The following PHYKPL variants were observed in gnomAD, a reference collection of about 807,000 sequenced individuals.
PHYKPL encodes the protein 5-phosphohydroxy-L-lysine phospho-lyase, also known as 5-phosphonooxy-L-lysine phospho-lyase.
In PHYKPL, 42 loss-of-function variants were observed where a neutral mutation model predicts 51.3. The ratio of observed to expected loss-of-function variants is 0.82; its 90% CI spans 0.64 to 1.06. The LOEUF is 1.06. Among genes scored for constraint, PHYKPL ranks in the 50% least tolerant of loss-of-function variants. The pLI is 0.00. For synonymous variants in PHYKPL, 264 were observed against 236.0 expected, an observed-to-expected ratio of 1.12 and a Z score of -1.09; for missense variants, 655 against 586.6, an observed-to-expected ratio of 1.12 and a Z score of -1.20.
At chr5:178,215,207 G>T in intron 9 of PHYKPL, 69 bp downstream of exon 9, 1 of 1,602,526 alleles carries the variant, frequency 6.2e-7, no homozygotes, top group Non-Finnish European at 8.5e-7. Context: ...AGGTTGTTAG[G>T]AGGTGAAGAA....
chr5:178,223,086 G>T, intron 6 of PHYKPL, 152 bp from the exon 7 acceptor site: 1 of 767,734 alleles, frequency 1.3e-6, no homozygotes, highest in Non-Finnish European at 2.2e-6. Context: ...GAAGGTTTGT[G>T]ACTCAGTTTT....
At chr5:178,232,446 T>TCCGCGCAGCC (rs1326624329) in intron 1 of PHYKPL, 46 bp downstream of exon 1, 3 of 1,379,416 alleles carry the variant, frequency 2.2e-6, no homozygotes, top group South Asian at 1.6e-5. Context: ...CGCGTGCCTC[T>TCCGCGCAGCC]CCGCGCAGCC....
At chr5:178,230,213 G>C in intron 2 of PHYKPL, 114 bp from the exon 3 acceptor site, 4 of 1,322,006 alleles carry the variant, frequency 3.0e-6, no homozygotes, top group Non-Finnish European at 4.2e-6. Flanking sequence ...TAGAGGGAGA[G>C]GTAGAAAGAG....
intron 1 of PHYKPL, 21 bp from the exon 2 acceptor site, chr5:178,231,544 T>C: frequency 6.2e-7 from 1 of 1,613,468 alleles, no homozygotes; most frequent in Non-Finnish European, 8.5e-7. Flanking sequence ...AGGCAAGGAG[T>C]GGACAGCCAT....
chr5:178,228,105 T>C, intron 3 of PHYKPL: 1 of 177,568 alleles, frequency 5.6e-6, no homozygotes, highest in Non-Finnish European at 1.2e-5. Context: ...AACCTCGAGT[T>C]GGAACACATG....
In PHYKPL at chr5:178,230,492, G is replaced by T. The variant is rs1164804811; in HGVS notation, c.179-393C>A. On this transcript the variant is annotated intron_variant, in intron 2 of 12. Coordinates refer to ENST00000308158, the MANE Select transcript of PHYKPL (RefSeq NM_153373.4). The stretch of plus-strand genomic sequence containing the variant: ...CCACCTCAGCCTCCTGAGCAGGTGG[G>T]GCTATAGACACCAGTCACCATGCCT... The T allele has an allele frequency of 1.8e-5, 3 of 168,882 alleles. No individual in the cohort carries two copies. The East Asian group carries it at 4.9e-4, about 28-fold the overall frequency. The allele number at this position is 168,882 out of a possible 1,614,324, so 10.5% of individuals were successfully genotyped here.
rs141523394 is a variant in PHYKPL at position 178,213,033 on chromosome 5, T to G, written c.1243A>C (p.Met415Leu). The G allele has an allele frequency of 6.2e-7, 1 of 1,614,072 alleles. No homozygotes were observed. The highest frequency in any genetic ancestry group is 8.5e-7 in the Non-Finnish European group (1 of 1,180,014). The change falls in exon 11 of 13, where the codon ATG (methionine) becomes CTG (leucine). Residue 415 changes from methionine (M) to leucine (L), a missense_variant. Physicochemically the swap from Met to Leu is conservative, Grantham distance 15. Coordinates refer to ENST00000308158, the MANE Select transcript of PHYKPL (RefSeq NM_153373.4). ...GRNILKFKPP[M>L]CFSLDNARQV... ...CGTGCATTGTCCAGGCTGAAGCACA[T>G]TGGGGGCTTAAACTTCAGGATGTTC... is the stretch of plus-strand genomic sequence containing the variant.
rs1260617105 is a variant in PHYKPL at position 178,212,990 on chromosome 5, A to G, written c.1286T>C (p.Leu429Pro). ...LDNARQVVAK[L>P]DAILTDMEEK... ...AAGCTCACCAGTCAGAATGGCATCC[A>G]GCTTTGCCACCACCTGCCGTGCATT... is the stretch of plus-strand genomic sequence containing the variant. Residue 429 changes from leucine (L) to proline (P), a missense_variant, in exon 11 of 13, where the codon CTG becomes CCG. Transcript: ENST00000308158. 2 of 1,614,126 alleles carry G rather than the reference A, an allele frequency of 1.2e-6. No individual in the cohort carries two copies. The highest frequency in any genetic ancestry group is 1.7e-5 in the Admixed American group (1 of 60,020).
intron 9 of PHYKPL, 30 bp from the exon 10 acceptor site, chr5:178,214,915 G>A: frequency 6.2e-7 from 1 of 1,602,714 alleles, no homozygotes. Flanking sequence ...CATCTCAGGA[G>A]GCCAGGCCTG....
chr5:178,232,461 G>GCCCCCCGCCGCCCGCC, intron 1 of PHYKPL, 31 bp downstream of exon 1: 1 of 1,355,996 alleles, frequency 7.4e-7, no homozygotes. Flanking sequence ...GCAGCCCCGC[G>GCCCCCCGCCGCCCGCC]CCCCCCGCCG....
rs771261600 is a variant in PHYKPL, at chr5:178,222,455, A to G, written c.827T>C (p.Met276Thr). Residue 276 changes from methionine (M) to threonine (T), a missense_variant, in exon 8 of 13, where the codon ATG (methionine) becomes ACG (threonine). Physicochemically the swap from Met to Thr is moderately conservative, Grantham distance 81 (BLOSUM62 -1). Coordinates refer to ENST00000308158, the MANE Select transcript of PHYKPL (RefSeq NM_153373.4). ...GKDFVPDIVT[M>T]GKSIGNGHPV... ...GTGGCCGTTGCCAATGGACTTGCCCATGGTGACGATGTCAGGGACGAAGTC... is the reference window on the plus strand; with the variant it reads ...GTGGCCGTTGCCAATGGACTTGCCCGTGGTGACGATGTCAGGGACGAAGTC... The G allele has an allele frequency of 1.4e-5, 22 of 1,614,146 alleles. No homozygotes were observed. Among genetic ancestry groups the G allele is most frequent in the South Asian group, 4.4e-5 (4 of 91,090 alleles).
intron 1 of PHYKPL, 166 bp from the exon 2 acceptor site, chr5:178,231,689 G>A (rs757772742): frequency 4.5e-6 from 7 of 1,564,936 alleles, no homozygotes; most frequent in South Asian, 1.2e-5. Context: ...CACTCCACAG[G>A]TGGTTGCAAA....
rs1402831310 is a variant in PHYKPL at position 178,232,441 on chromosome 5, G to GCCTCTCCGCGCAGCCCCGCGCC, written c.59+29_59+50dup. On this transcript the variant is annotated intron_variant, in intron 1 of 12. Transcript: ENST00000308158. ...GCGTGCGTGCGTCGTGCGTGCGCGT[G>GCCTCTCCGCGCAGCCCCGCGCC]CCTCTCCGCGCAGCCCCGCGCCCCC... 8 of 1,377,874 alleles carry GCCTCTCCGCGCAGCCCCGCGCC rather than the reference G, an allele frequency of 5.8e-6. No individual in the cohort carries two copies. The African/African-American group carries it at 1.2e-4, about 21-fold the overall frequency. The allele number at this position is 1,377,874 out of a possible 1,614,324, so 85.4% of individuals were successfully genotyped here. A position where few individuals can be genotyped will look rare whatever the true frequency, so the allele number is the denominator to read the frequency against.
chr5:178,229,101 CTATT>C (rs1561744784), intron 3 of PHYKPL, among the ~76,000 whole-genome samples: 2 of 113,444 alleles, frequency 1.8e-5, no homozygotes, highest in Non-Finnish European at 3.4e-5. Context: ...TTTGATGAGA[CTATT>C]TTTTTTTTTT....
intron 4 of PHYKPL, chr5:178,224,952 C>G (rs1761996328): frequency 7.0e-6 from 4 of 573,930 alleles, no homozygotes; most frequent in South Asian, 4.5e-5. Flanking sequence ...TTTAATCTCT[C>G]TCGGTTGTTT....
At chr5:178,212,935 G>A in intron 11 of PHYKPL, 38 bp downstream of exon 11, 1 of 1,611,364 alleles carries the variant, frequency 6.2e-7, no homozygotes, top group South Asian at 1.1e-5. Context: ...TTCAGGCTGA[G>A]TTCTAGAGAT....
chr5:178,210,389 G>C, intron 12 of PHYKPL: 2 of 1,572,090 alleles, frequency 1.3e-6, no homozygotes, highest in Non-Finnish European at 1.7e-6. Flanking sequence ...GCTCAGCCAT[G>C]GGAGCTACTT....
chr5:178,231,522 A>T lies in PHYKPL; in HGVS notation c.61T>A (p.Ser21Thr), dbSNP rs756574388. The change falls in exon 2 of 13, where the codon TCT (serine) becomes ACT (threonine). Residue 21 changes from serine to threonine, a missense_variant and splice_region_variant. Transcript: ENST00000308158. ...TCGGGAAAAAAGAGTCTGCAGGAAG[A>T]GCTGTGGGGACAGGCAAGGAGTGGA... ...TLALRQRLIS[S>T]SCRLFFPEDP... The T allele has an allele frequency of 6.8e-6, 11 of 1,614,170 alleles. No homozygotes were observed. In the South Asian group the frequency reaches 1.2e-4, roughly 18 times the overall value.
Position 178,209,549 on chromosome 5 carries a change from C to T in PHYKPL, c.*32-634G>A, listed in dbSNP as rs143842057. On this transcript the variant is annotated intron_variant, in intron 12 of 12. Coordinates refer to ENST00000308158, the MANE Select transcript of PHYKPL (RefSeq NM_153373.4). Reference sequence around the variant, plus strand: ...TCTGGTGCTGTGCAGCAGGGGTGGGCAGATTGTGTGAGGTTGGGGACGAAC... The same window carrying T: ...TCTGGTGCTGTGCAGCAGGGGTGGGTAGATTGTGTGAGGTTGGGGACGAAC... 9.9e-5 allele frequency: 99 copies of T among 1,000,196 alleles called. 1 individual carries two copies. In the African/African-American group the frequency reaches 1.0e-3, roughly 10 times the overall value. The allele number at this position is 1,000,196 out of a possible 1,614,324, so 62.0% of individuals were successfully genotyped here.
Sources: allele counts gnomAD v4.1 joint callset (sites outside exome capture counted in the v4.1 genomes callset), GRCh38; gene constraint gnomAD v4.1.1; transcripts MANE v1.5; gene names NCBI Gene and HGNC (gene_info 2026-07-23, HGNC 2026-07-21).